PTPRM: variants seen among roughly 807,000 people sequenced by gnomAD.
The protein encoded by PTPRM is protein tyrosine phosphatase receptor type M, also known as receptor-type tyrosine-protein phosphatase mu.
PTPRM carries 47 observed loss-of-function variants against 186.7 expected under a neutral mutation model. The ratio of observed to expected loss-of-function variants is 0.25; its 90% CI spans 0.20 to 0.32. The LOEUF is 0.32. PTPRM is among the 10% of genes least tolerant of loss of function. PTPRM has a pLI of 1.00. For synonymous variants in PTPRM, 668 were observed against 674.9 expected (o/e 0.99, Z 0.16); for missense variants, 1,494 against 1,865.0 (o/e 0.80, Z 3.66).
intron 14 of PTPRM, among the ~76,000 whole-genome samples, chr18:8,146,417 T>C (rs2092887365): frequency 6.6e-6 from 1 of 152,188 alleles, no homozygotes; most frequent in Non-Finnish European, 1.5e-5. Context: ...ATGATAAGCA[T>C]TTTTTTATAT....
intron 17 of PTPRM, chr18:8,248,379 G>A (rs537380253): frequency 2.7e-5 from 18 of 661,710 alleles, no homozygotes; most frequent in Admixed American, 2.0e-4. Flanking sequence ...GGGGTTTGCT[G>A]CATGTATCTT....
chr18:7,777,404 A>G (rs902444683), intron 2 of PTPRM, among the ~76,000 whole-genome samples: 2 of 152,326 alleles, frequency 1.3e-5, no homozygotes, highest in African/African-American at 4.8e-5. Flanking sequence ...TACAAGTTTT[A>G]CTGACACACA....
intron 7 of PTPRM, among the ~76,000 whole-genome samples, chr18:8,064,155 A>C (rs1205333279): frequency 1.3e-5 from 2 of 152,184 alleles, no homozygotes; most frequent in Non-Finnish European, 2.9e-5. Flanking sequence ...TAAATTTAAT[A>C]ATTTAAATTA....
intron 2 of PTPRM, among the ~76,000 whole-genome samples, chr18:7,870,872 C>T (rs1222562246): frequency 1.3e-5 from 2 of 152,176 alleles, no homozygotes; most frequent in Non-Finnish European, 2.9e-5. Context: ...AACCGTCTCT[C>T]TGGCAGTTAA....
chr18:7,839,016 A>G (rs1037809659), intron 2 of PTPRM, among the ~76,000 whole-genome samples: 5 of 152,108 alleles, frequency 3.3e-5, no homozygotes, highest in Admixed American at 6.5e-5. Context: ...AAGGGCTCCT[A>G]AGTCAGCCTG....
chr18:7,689,001 T>C (rs951386197), intron 1 of PTPRM, among the ~76,000 whole-genome samples: 14 of 152,140 alleles, frequency 9.2e-5, no homozygotes, highest in Admixed American at 4.6e-4. Flanking sequence ...CAGGAGTTAC[T>C]CATTTAGTTT....
At chr18:7,643,221 A>G (rs1598605979) in intron 1 of PTPRM, among the ~76,000 whole-genome samples, 1 of 152,184 alleles carries the variant, frequency 6.6e-6, no homozygotes, top group East Asian at 1.9e-4. Flanking sequence ...GTTTTTCCCT[A>G]GTATAATGCT....
At chr18:8,265,164 C>T (rs897405228) in intron 19 of PTPRM, among the ~76,000 whole-genome samples, 7 of 152,332 alleles carry the variant, frequency 4.6e-5, no homozygotes, top group Middle Eastern at 3.4e-3. Context: ...CCGTTGACAG[C>T]GCCAATTCTG....
At chr18:8,378,991 G>A (rs1598508165) in intron 27 of PTPRM, among the ~76,000 whole-genome samples, 176 bp from the exon 28 acceptor site, 1 of 152,174 alleles carries the variant, frequency 6.6e-6, no homozygotes, top group East Asian at 1.9e-4. Context: ...CACTGTCAGT[G>A]GACGAAATCC....
chr18:7,961,994 T>G (rs77097902), intron 7 of PTPRM, among the ~76,000 whole-genome samples: 1 of 151,802 alleles, frequency 6.6e-6, no homozygotes, highest in Non-Finnish European at 1.5e-5. Flanking sequence ...GTAATAGCTA[T>G]CATATCTGCA....
At chr18:7,978,102 C>T (rs936426423) in intron 7 of PTPRM, among the ~76,000 whole-genome samples, 11 of 152,212 alleles carry the variant, frequency 7.2e-5, no homozygotes, top group African/African-American at 1.9e-4. Context: ...CTCCTCTCAG[C>T]GCACTTTGCT....
chr18:7,930,724 T>TATATGTATTAC (rs2051437306), intron 5 of PTPRM, among the ~76,000 whole-genome samples: 3 of 152,170 alleles, frequency 2.0e-5, no homozygotes, highest in Admixed American at 2.0e-4. Flanking sequence ...AAATAATGCT[T>TATATGTATTAC]ATATGTATTA....
chr18:8,162,998 C>T (rs1432598998), intron 14 of PTPRM, among the ~76,000 whole-genome samples: 1 of 152,190 alleles, frequency 6.6e-6, no homozygotes, highest in Non-Finnish European at 1.5e-5. Flanking sequence ...CACACACCTG[C>T]CCTCAGCCAG....
chr18:7,926,535 T>C (rs2146799957), intron 4 of PTPRM, 33 bp from the exon 5 acceptor site: 2 of 1,536,110 alleles, frequency 1.3e-6, no homozygotes, highest in Non-Finnish European at 1.8e-6. Context: ...AAATCTCCAC[T>C]TTTAATATCT....
At chr18:7,692,469 A>G (rs557128077) in intron 1 of PTPRM, among the ~76,000 whole-genome samples, 1 of 152,354 alleles carries the variant, frequency 6.6e-6, no homozygotes, top group East Asian at 1.9e-4. Flanking sequence ...TGACAGTATG[A>G]AACCTTTCTT....
At chr18:8,276,945 A>ATTT (rs35201374) in intron 19 of PTPRM, among the ~76,000 whole-genome samples, 1 of 147,848 alleles carries the variant, frequency 6.8e-6, no homozygotes, top group Non-Finnish European at 1.5e-5. Flanking sequence ...CAAAACTGTA[A>ATTT]TTTTTTTTTT....
chr18:8,006,867 C>A (rs2084220201), intron 7 of PTPRM, among the ~76,000 whole-genome samples: 1 of 152,166 alleles, frequency 6.6e-6, no homozygotes, highest in Non-Finnish European at 1.5e-5. Context: ...TCATTTGAAT[C>A]CATTCGAGAT....
intron 1 of PTPRM, among the ~76,000 whole-genome samples, chr18:7,587,958 G>C (rs753826686): frequency 6.6e-6 from 1 of 152,106 alleles, no homozygotes; most frequent in Non-Finnish European, 1.5e-5. Context: ...ATGGTAAAAA[G>C]AAATGATATG....
chr18:7,643,074 A>T (rs999870766), intron 1 of PTPRM, among the ~76,000 whole-genome samples: 2 of 151,914 alleles, frequency 1.3e-5, no homozygotes, highest in South Asian at 2.1e-4. Context: ...CTTAAAAAGG[A>T]TATTCCTTAT....
Sources: allele counts gnomAD v4.1 joint callset (sites outside exome capture counted in the v4.1 genomes callset), GRCh38; gene constraint gnomAD v4.1.1; transcripts MANE v1.5; gene names NCBI Gene and HGNC (gene_info 2026-07-23, HGNC 2026-07-21).